RBFOX1: variants seen among roughly 807,000 people sequenced by gnomAD.
RBFOX1 encodes RNA binding protein fox-1 homolog 1.
In RBFOX1, 8 loss-of-function variants were observed where a neutral mutation model predicts 57.7. The observed-to-expected ratio is 0.14, with a 90% CI of 0.08 to 0.25. The LOEUF is 0.25. RBFOX1 is among the 10% of genes least tolerant of loss of function. The pLI is 1.00. For synonymous variants in RBFOX1, 326 were observed against 222.4 expected, an observed-to-expected ratio of 1.47 and a Z score of -4.15; for missense variants, 611 against 548.5, an observed-to-expected ratio of 1.11 and a Z score of -1.14.
At chr16:5,390,593 A>G (rs995095434) in intron 1 of RBFOX1, among the ~76,000 whole-genome samples, 10 of 152,020 alleles carry the variant, frequency 6.6e-5, no homozygotes, top group African/African-American at 2.4e-4. Context: ...CTGGCCTCAT[A>G]TATTATTTTT....
At chr16:7,172,073 AT>A (rs1485120592) in intron 4 of RBFOX1, among the ~76,000 whole-genome samples, 4 of 152,168 alleles carry the variant, frequency 2.6e-5, no homozygotes, top group African/African-American at 9.7e-5. Context: ...TTAGAAAAAA[AT>A]ATTGATTTGC....
At chr16:7,150,164 C>T (rs549159123) in intron 4 of RBFOX1, among the ~76,000 whole-genome samples, 16 of 152,246 alleles carry the variant, frequency 1.1e-4, no homozygotes, top group Non-Finnish European at 1.9e-4. Context: ...TAGCAGCCTC[C>T]TTCTGCTAGA....
chr16:5,952,230 A>C (rs1210864710), intron 4 of RBFOX1, among the ~76,000 whole-genome samples: 2 of 151,234 alleles, frequency 1.3e-5, no homozygotes, highest in African/African-American at 4.9e-5. Flanking sequence ...GGCTCACTGC[A>C]ACCTCCACCT....
intron 3 of RBFOX1, among the ~76,000 whole-genome samples, chr16:5,777,421 C>G (rs28716258): frequency 4.1e-4 from 62 of 152,314 alleles, no homozygotes; most frequent in African/African-American, 1.5e-3. Flanking sequence ...GTCTCTTTTG[C>G]TATAGAAGGC....
chr16:6,811,134 C>G (rs539158697), intron 3 of RBFOX1, among the ~76,000 whole-genome samples: 2 of 152,262 alleles, frequency 1.3e-5, no homozygotes, highest in African/African-American at 4.8e-5. Context: ...TGCTGAGTAA[C>G]TTCTAAGGCC....
intron 1 of RBFOX1, among the ~76,000 whole-genome samples, chr16:6,195,876 G>T (rs2097176772): frequency 6.6e-6 from 1 of 152,108 alleles, no homozygotes; most frequent in African/African-American, 2.4e-5. Context: ...TGTGATTTAG[G>T]AATCATGATC....
chr16:6,592,648 A>G (rs1442414008), intron 2 of RBFOX1, among the ~76,000 whole-genome samples: 3 of 152,172 alleles, frequency 2.0e-5, no homozygotes, highest in Non-Finnish European at 4.4e-5. Flanking sequence ...GCTACTAAGT[A>G]ATGGAATTTG....
intron 4 of RBFOX1, among the ~76,000 whole-genome samples, chr16:7,053,408 C>G (rs1197415793): frequency 6.6e-6 from 1 of 152,080 alleles, no homozygotes; most frequent in Non-Finnish European, 1.5e-5. Context: ...TTCCTGTAGT[C>G]TGAATTACTG....
chr16:7,249,317 T>C (rs1040468056), intron 4 of RBFOX1, among the ~76,000 whole-genome samples: 2 of 152,078 alleles, frequency 1.3e-5, no homozygotes, highest in Non-Finnish European at 2.9e-5. Context: ...AGTGGTGCAA[T>C]AGAGAATAAA....
At chr16:6,943,041 A>C (rs963968032) in intron 3 of RBFOX1, among the ~76,000 whole-genome samples, 13 of 152,184 alleles carry the variant, frequency 8.5e-5, no homozygotes, top group African/African-American at 3.1e-4. Flanking sequence ...AGCGGGGAGA[A>C]AGCTCCCTGA....
At chr16:6,811,951 A>T (rs1359114457) in intron 3 of RBFOX1, among the ~76,000 whole-genome samples, 1 of 152,184 alleles carries the variant, frequency 6.6e-6, no homozygotes, top group Non-Finnish European at 1.5e-5. Context: ...AATAAGTTGC[A>T]GACTGGAATT....
chr16:6,515,635 G>A (rs1351063035), intron 2 of RBFOX1, among the ~76,000 whole-genome samples: 1 of 152,130 alleles, frequency 6.6e-6, no homozygotes, highest in Non-Finnish European at 1.5e-5. Context: ...TGTGCTTACA[G>A]AGTCTTAAGT....
Position 6,682,367 on chromosome 16 carries a change from G to C in RBFOX1, c.-16+27717G>C, listed in dbSNP as rs2286970. Among the ~76,000 whole-genome samples the C allele has an allele frequency of 1.7e-3, 253 of 152,124 alleles. No individual in the cohort carries two copies. In the East Asian group the frequency reaches 0.028, roughly 17 times the overall value. On this transcript the variant is annotated intron_variant, in intron 3 of 15. Coordinates refer to ENST00000550418, the MANE Select transcript of RBFOX1 (RefSeq NM_018723.4). ...GCTTGTACCGCAGTTGCTGCCATCAGGCTTCGAAGCCGATTGCCCCTTCTT... is the reference window on the plus strand; with the variant it reads ...GCTTGTACCGCAGTTGCTGCCATCACGCTTCGAAGCCGATTGCCCCTTCTT...
intron 4 of RBFOX1, among the ~76,000 whole-genome samples, chr16:7,075,260 A>T (rs1434920315): frequency 6.6e-6 from 1 of 152,204 alleles, no homozygotes; most frequent in Non-Finnish European, 1.5e-5. Flanking sequence ...CTCAGTGATG[A>T]TCAAACCGTC....
At chr16:5,612,212 C>CCACTCTCAT (rs2047846418) in intron 3 of RBFOX1, among the ~76,000 whole-genome samples, 1 of 143,922 alleles carries the variant, frequency 6.9e-6, no homozygotes, top group Admixed American at 6.9e-5. Flanking sequence ...CCCCTCCACT[C>CCACTCTCAT]TCATTCATTC....
chr16:7,539,204 T>C (rs2082268766), intron 5 of RBFOX1, among the ~76,000 whole-genome samples: 1 of 152,056 alleles, frequency 6.6e-6, no homozygotes, highest in African/African-American at 2.4e-5. Flanking sequence ...AGAAAACACA[T>C]ATTAGGTTGA....
At chr16:6,124,396 A>G (rs1567512464) in intron 1 of RBFOX1, among the ~76,000 whole-genome samples, 1 of 152,204 alleles carries the variant, frequency 6.6e-6, no homozygotes, top group East Asian at 1.9e-4. Flanking sequence ...GTAGGATTTG[A>G]TTATTGTAAT....
chr16:7,311,338 C>A (rs759633034), intron 4 of RBFOX1, among the ~76,000 whole-genome samples: 14 of 152,090 alleles, frequency 9.2e-5, no homozygotes, highest in Non-Finnish European at 1.8e-4. Context: ...AGTGTGTGTT[C>A]CCAGGGATGC....
chr16:7,680,042 G>C (rs923969889), intron 14 of RBFOX1, among the ~76,000 whole-genome samples: 1 of 152,166 alleles, frequency 6.6e-6, no homozygotes, highest in African/African-American at 2.4e-5. Context: ...TCCTGAGCTT[G>C]AACCAACTGA....
Sources: allele counts gnomAD v4.1 joint callset (sites outside exome capture counted in the v4.1 genomes callset), GRCh38; gene constraint gnomAD v4.1.1; transcripts MANE v1.5; gene names NCBI Gene and HGNC (gene_info 2026-07-23, HGNC 2026-07-21).